Variants in BPHL observed in about 807,000 individuals in gnomAD.
BPHL encodes the protein biphenyl hydrolase like.
Under a neutral mutation model 31.2 loss-of-function variants are expected in BPHL, and 27 were observed. The observed-to-expected ratio is 0.87, with a 90% CI of 0.64 to 1.19. The LOEUF is 1.19. BPHL is among the 50% of genes most tolerant of loss of function. The pLI is 0.00. For missense variants in BPHL, 356 were observed against 375.7 expected (o/e 0.95, Z 0.43); for synonymous variants, 150 against 146.8 (o/e 1.02, Z -0.16).
At chr6:3,125,420 C>A (rs1379690750) in intron 2 of BPHL, among the ~76,000 whole-genome samples, 4 of 152,128 alleles carry the variant, frequency 2.6e-5, no homozygotes, top group African/African-American at 9.7e-5. Context: ...GAGATTCTCT[C>A]TCCTGTCCTA....
rs1581465403 is a variant in BPHL, at chr6:3,127,555, A to G, written c.378+147A>G. 6.5e-6 allele frequency: 4 copies of G among 618,542 alleles called. No individual in the cohort carries two copies. In the East Asian group the frequency reaches 1.3e-4, roughly 20 times the overall value. 38.3% of individuals were successfully genotyped at this position (618,542 alleles called of 1,614,324 possible). ...CCCAAGAGTTCAAATAGGTATAAAG[A>G]AGAAAGTAGAAATAGCCCACAGTCC... On this transcript the variant is annotated intron_variant, in intron 3 of 6. Transcript: ENST00000380379.
chr6:3,134,364 T>C (rs1002650093), intron 4 of BPHL, among the ~76,000 whole-genome samples: 2 of 152,138 alleles, frequency 1.3e-5, no homozygotes, highest in African/African-American at 4.8e-5. Context: ...TTTTTCTTTA[T>C]GGGCAGAACT....
chr6:3,133,207 C>T (rs1024404993), intron 4 of BPHL, among the ~76,000 whole-genome samples: 2 of 151,562 alleles, frequency 1.3e-5, no homozygotes, highest in Admixed American at 1.3e-4. Context: ...CCACATCCCC[C>T]ACACTGCGGC....
chr6:3,143,095 C>A (rs1037228559), intron 6 of BPHL, among the ~76,000 whole-genome samples: 14 of 152,030 alleles, frequency 9.2e-5, no homozygotes, highest in African/African-American at 3.4e-4. Flanking sequence ...CGTGGGCACC[C>A]GTAATCCCAG....
In BPHL at chr6:3,123,761, G is replaced by A; in HGVS notation, c.211+1G>A. Reference sequence around the variant, plus strand: ...GTCCTGCTACTTCCTGGGATGTTAGGTCTGGGTACTTTTTAATGGAATGTT... The same window carrying A: ...GTCCTGCTACTTCCTGGGATGTTAGATCTGGGTACTTTTTAATGGAATGTT... On this transcript the variant is annotated splice_donor_variant, in intron 2 of 6. Coordinates refer to ENST00000380379, the MANE Select transcript of BPHL (RefSeq NM_004332.4). LOFTEE classifies it high-confidence loss of function. 6.2e-7 allele frequency: 1 copy of A among 1,608,416 alleles called. No homozygotes were observed.
chr6:3,144,593 TG>T (rs1390590969), intron 6 of BPHL, among the ~76,000 whole-genome samples: 8 of 151,814 alleles, frequency 5.3e-5, no homozygotes, highest in African/African-American at 1.7e-4. Flanking sequence ...GGCCTTGCCG[TG>T]TTGTCCAGGC....
Position 3,137,356 on chromosome 6 carries a change from T to C in BPHL, c.533-6T>C. 6.2e-7 allele frequency: 1 copy of C among 1,611,026 alleles called. No individual in the cohort carries two copies. The highest frequency in any genetic ancestry group is 1.1e-5 in the South Asian group (1 of 90,734). On this transcript the variant is annotated splice_polypyrimidine_tract_variant and splice_region_variant and intron_variant, in intron 4 of 6. Transcript: ENST00000380379. ...ACCTTTCTTCGCCTACACTTCTGTT[T>C]TTCAGGCATCCGAGATGTTTCCAAA...
chr6:3,142,036 TTA>T (rs1204034128), intron 6 of BPHL, among the ~76,000 whole-genome samples: 2 of 152,184 alleles, frequency 1.3e-5, no homozygotes, highest in Non-Finnish European at 2.9e-5. Context: ...AAACTAGACT[TTA>T]TAAAATTATA....
chr6:3,127,110 T>C lies in BPHL; in HGVS notation c.212-132T>C, dbSNP rs1167611220. On this transcript the variant is annotated intron_variant, in intron 2 of 6. Transcript: ENST00000380379. ...ATGGATTAAGTCATTGCAAGGCTGC[T>C]TTCCTGATTACATTCTGACCACTTT... is the stretch of plus-strand genomic sequence containing the variant. 4 of 580,076 alleles carry C rather than the reference T, an allele frequency of 6.9e-6. No homozygotes were observed. In the East Asian group the frequency reaches 1.2e-4, roughly 17 times the overall value. 35.9% of individuals were successfully genotyped at this position (580,076 alleles called of 1,614,324 possible).
At position 3,149,673 on chromosome 6, in the gene BPHL, C is replaced by A. The variant is rs977292266; in HGVS notation, c.789-2815C>A. Among the ~76,000 whole-genome samples the A allele has an allele frequency of 2.0e-5, 3 of 152,170 alleles. No individual in the cohort carries two copies. The highest frequency in any genetic ancestry group is 4.4e-5 in the Non-Finnish European group (3 of 68,032). On this transcript the variant is annotated intron_variant, in intron 6 of 6. Transcript: ENST00000380379. This position sits in a 1 kb window ranked among gnomAD's most constrained non-coding sequence, Gnocchi z 4.6. Reference sequence around the variant, plus strand: ...TGTGAGATAGAGCCTTGCTCTATTGCCCGGGCTGGAGTGCAGTGGCGGGAT... The same window carrying A: ...TGTGAGATAGAGCCTTGCTCTATTGACCGGGCTGGAGTGCAGTGGCGGGAT...
chr6:3,151,932 G>A (rs371692685), intron 6 of BPHL, among the ~76,000 whole-genome samples: 12 of 152,270 alleles, frequency 7.9e-5, no homozygotes, highest in South Asian at 2.1e-4. Flanking sequence ...TTTGTCTGGC[G>A]GCTTGTATTC....
At chr6:3,141,321 G>GT (rs1762168231) in intron 6 of BPHL, among the ~76,000 whole-genome samples, 1 of 152,112 alleles carries the variant, frequency 6.6e-6, no homozygotes, top group African/African-American at 2.4e-5. Context: ...AGCAAAGGTG[G>GT]GAGTTAGGCA....
chr6:3,129,421 A>G (rs1761807576), intron 4 of BPHL, among the ~76,000 whole-genome samples: 1 of 152,246 alleles, frequency 6.6e-6, no homozygotes, highest in Non-Finnish European at 1.5e-5. Flanking sequence ...GCTCAGGAAA[A>G]GGCTAAGTAA....
chr6:3,135,337 T>A (rs561314534), intron 4 of BPHL, among the ~76,000 whole-genome samples: 7 of 152,360 alleles, frequency 4.6e-5, no homozygotes, highest in African/African-American at 1.7e-4. Context: ...TGCAGTCTTC[T>A]GCCTTCCATC....
chr6:3,152,595 G>A lies in BPHL; in HGVS notation c.*20G>A. ...CAATGAGAATGCACACTCCAGTCTT[G>A]GTGGTTCCTTCGTGTGGGGCTTGAT... On this transcript the variant is annotated 3_prime_UTR_variant, in exon 7 of 7. Coordinates refer to ENST00000380379, the MANE Select transcript of BPHL (RefSeq NM_004332.4). The A allele has an allele frequency of 1.9e-6, 3 of 1,603,054 alleles. No homozygotes were observed. Among genetic ancestry groups the A allele is most frequent in the Non-Finnish European group, 2.6e-6 (3 of 1,173,256 alleles).
At chr6:3,123,957 A>G in intron 2 of BPHL, 197 bp downstream of exon 2, 1 of 410,914 alleles carries the variant, frequency 2.4e-6, no homozygotes, top group Non-Finnish European at 4.3e-6. Flanking sequence ...TTATTCCTTT[A>G]GTAAAGTACC....
intron 6 of BPHL, 110 bp from the exon 7 acceptor site, chr6:3,152,378 G>T: frequency 2.3e-6 from 2 of 882,994 alleles, no homozygotes; most frequent in Non-Finnish European, 3.6e-6. Context: ...GGTCATGGGG[G>T]AAATGTGTTA....
Position 3,140,645 on chromosome 6 carries a change from C to T in BPHL, c.788+136C>T. On this transcript the variant is annotated intron_variant, in intron 6 of 6. Transcript: ENST00000380379. The surrounding 1 kb of genome is among the most constrained non-coding windows in gnomAD (Gnocchi z 5.2). ...CCCTTTTGCCAATGCCAGTCAGTAG[C>T]ACCGCTTTATTTAGGGTACCACGGA... is the stretch of plus-strand genomic sequence containing the variant. 1 of 1,349,092 alleles carries T rather than the reference C, an allele frequency of 7.4e-7. No individual in the cohort carries two copies. The highest frequency in any genetic ancestry group is 2.3e-5 in the East Asian group (1 of 43,192). 83.6% of individuals were successfully genotyped at this position (1,349,092 alleles called of 1,614,324 possible).
intron 1 of BPHL, chr6:3,119,531 A>G (rs1761501126): frequency 6.2e-7 from 1 of 1,613,900 alleles, no homozygotes; most frequent in Non-Finnish European, 8.5e-7. Context: ...ATAACAAAAA[A>G]ACTGGATTAA....
Sources: allele counts gnomAD v4.1 joint callset (sites outside exome capture counted in the v4.1 genomes callset), GRCh38; gene constraint gnomAD v4.1.1; non-coding constraint Gnocchi (gnomAD v3.1); transcripts MANE v1.5; gene names NCBI Gene and HGNC (gene_info 2026-07-23, HGNC 2026-07-21).